TPRN: variants seen among roughly 807,000 people sequenced by gnomAD.
TPRN encodes chromosome 9 open reading frame 75.
TPRN carries 32 observed loss-of-function variants against 42.6 expected under a neutral mutation model. The ratio of observed to expected loss-of-function variants is 0.75; its 90% CI spans 0.57 to 1.01. TPRN has a LOEUF of 1.01. Ranked by LOEUF, TPRN falls within the 50% of genes least tolerant of loss-of-function variation. The pLI is 0.00. For synonymous variants in TPRN, 541 were observed against 445.6 expected (o/e 1.21, Z -2.70); for missense variants, 1,095 against 957.5 (o/e 1.14, Z -1.90).
intron 1 of TPRN, among the ~76,000 whole-genome samples, chr9:137,196,325 G>T (rs1588773923): frequency 6.6e-6 from 1 of 152,176 alleles, no homozygotes; most frequent in African/African-American, 2.4e-5. Flanking sequence ...GGTGGCTCAC[G>T]CCTGTAATCC....
At position 137,200,185 on chromosome 9, in the gene TPRN, G is replaced by T; in HGVS notation, c.527C>A (p.Pro176Gln). Residue 176 changes from proline to glutamine, a missense_variant, in exon 1 of 4, where the codon CCG (proline) becomes CAG (glutamine). Transcript: ENST00000409012. This position sits in a 1 kb window ranked among gnomAD's most constrained non-coding sequence, Gnocchi z 4.3. ...ACCGCGGGGCCCGGGCGCGGCGGGCGGGCTGGGGGCCGCGGGCGGGGGCCG... is the reference window on the plus strand; with the variant it reads ...ACCGCGGGGCCCGGGCGCGGCGGGCTGGCTGGGGGCCGCGGGCGGGGGCCG... ...PPRPPPAAPSPPAAPGPRGGG... is the reference protein window; with the variant it reads ...PPRPPPAAPSQPAAPGPRGGG... The T allele has an allele frequency of 5.0e-6, 5 of 1,008,292 alleles. No individual in the cohort carries two copies. Among genetic ancestry groups the T allele is most frequent in the Non-Finnish European group, 4.7e-6 (4 of 845,790 alleles). 62.5% of individuals were successfully genotyped at this position (1,008,292 alleles called of 1,614,324 possible).
chr9:137,200,153 C>G lies in TPRN; in HGVS notation c.559G>C (p.Ala187Pro). The change falls in exon 1 of 4, where the codon GCG (alanine) becomes CCG (proline). Residue 187 changes from alanine to proline, a missense_variant. Coordinates refer to ENST00000409012, the MANE Select transcript of TPRN (RefSeq NM_001128228.3). This position sits in a 1 kb window ranked among gnomAD's most constrained non-coding sequence, Gnocchi z 4.3. ...PAAPGPRGGG[A>P]SPGARRSDFL... ...TCGCTGCGCCGGGCCCCGGGGCTCG[C>G]CCCGCCACCGCGGGGCCCGGGCGCG... is the stretch of plus-strand genomic sequence containing the variant. The G allele has an allele frequency of 8.3e-7, 1 of 1,209,692 alleles. No individual in the cohort carries two copies. The allele number at this position is 1,209,692 out of a possible 1,614,324, so 74.9% of individuals were successfully genotyped here. A position where few individuals can be genotyped will look rare whatever the true frequency, so the allele number is the denominator to read the frequency against.
chr9:137,200,085 G>A lies in TPRN; in HGVS notation c.627C>T (p.Pro209=), dbSNP rs1189476911. The A allele has an allele frequency of 7.2e-7, 1 of 1,395,150 alleles. No individual in the cohort carries two copies. Among genetic ancestry groups the A allele is most frequent in the Non-Finnish European group, 9.2e-7 (1 of 1,081,664 alleles). The allele number at this position is 1,395,150 out of a possible 1,614,324, so 86.4% of individuals were successfully genotyped here. The stretch of plus-strand genomic sequence containing the variant: ...CGCCCGCGCCGCGGTGCAGACCCCG[G>A]GGGTGGACGGTGAAGGAGTTGCTGC... ...KTGSNSFTVH[P]RGLHRGAGAR... is the part of the protein sequence containing the mutation. The change falls in exon 1 of 4, where the codon CCC becomes CCT. Residue 209 remains proline (P), a synonymous_variant. Coordinates refer to ENST00000409012, the MANE Select transcript of TPRN (RefSeq NM_001128228.3). The surrounding 1 kb of genome is among the most constrained non-coding windows in gnomAD (Gnocchi z 4.3).
At position 137,192,434 on chromosome 9, in the gene TPRN, C is replaced by G. The variant is rs1420608483; in HGVS notation, c.1966+17G>C. ...TCCACCCCTCCCAGGCTGCCTGTCCCCCAGGTGGGCACTCACCTGAGCTAC... is the reference window on the plus strand; with the variant it reads ...TCCACCCCTCCCAGGCTGCCTGTCCGCCAGGTGGGCACTCACCTGAGCTAC... On this transcript the variant is annotated intron_variant, in intron 2 of 3. Coordinates refer to ENST00000409012, the MANE Select transcript of TPRN (RefSeq NM_001128228.3). 1 of 1,608,530 alleles carries G rather than the reference C, an allele frequency of 6.2e-7. No individual in the cohort carries two copies. Among genetic ancestry groups the G allele is most frequent in the South Asian group, 1.1e-5 (1 of 90,482 alleles).
In TPRN at chr9:137,192,250, G is replaced by C. The variant is rs771401914; in HGVS notation, c.2073+9C>G. Reference sequence around the variant, plus strand: ...ACTCCCCCCAGCGCTCCACTCCCCCGCATCTCACCATGGCCTCCACGGGCG... The same window carrying C: ...ACTCCCCCCAGCGCTCCACTCCCCCCCATCTCACCATGGCCTCCACGGGCG... On this transcript the variant is annotated intron_variant, in intron 3 of 3. Coordinates refer to ENST00000409012, the MANE Select transcript of TPRN (RefSeq NM_001128228.3). The C allele has an allele frequency of 2.5e-6, 4 of 1,613,090 alleles. No individual in the cohort carries two copies. The highest frequency in any genetic ancestry group is 3.4e-6 in the Non-Finnish European group (4 of 1,179,980).
chr9:137,199,555 AG>A lies in TPRN; in HGVS notation c.1156del (p.Leu386TrpfsTer64). 1 of 1,560,894 alleles carries A rather than the reference AG, an allele frequency of 6.4e-7. No individual in the cohort carries two copies. The highest frequency in any genetic ancestry group is 8.7e-7 in the Non-Finnish European group (1 of 1,153,060). On this transcript the variant is annotated frameshift_variant, in exon 1 of 4. Coordinates refer to ENST00000409012, the MANE Select transcript of TPRN (RefSeq NM_001128228.3). LOFTEE classifies it high-confidence loss of function. ...GACTGCCCACTGTGCCTCGACCTCCAGGGGGCTCTTCCCGAGGGCAGGCGCA... is the reference window on the plus strand; with the variant it reads ...GACTGCCCACTGTGCCTCGACCTCCAGGGGCTCTTCCCGAGGGCAGGCGCA... ...DGAPALGKSP[L>X]EVEAQWAVEE...
chr9:137,193,167 C>T (rs1474254255), intron 1 of TPRN: 3 of 183,824 alleles, frequency 1.6e-5, no homozygotes, highest in Non-Finnish European at 3.5e-5. Context: ...GTGTCTGGGG[C>T]CTCTCTCTAA....
At chr9:137,196,937 C>T (rs1254160189) in intron 1 of TPRN, among the ~76,000 whole-genome samples, 5 of 152,198 alleles carry the variant, frequency 3.3e-5, no homozygotes, top group Non-Finnish European at 7.4e-5. Flanking sequence ...ACCCCCACCC[C>T]TTCAGGCTGG....
In TPRN at chr9:137,191,652, A is replaced by T. The variant is rs1386549259; in HGVS notation, c.*460T>A. 1 of 311,118 alleles carries T rather than the reference A, an allele frequency of 3.2e-6. No individual in the cohort carries two copies. Among genetic ancestry groups the T allele is most frequent in the Non-Finnish European group, 6.4e-6 (1 of 156,258 alleles). 19.3% of individuals were successfully genotyped at this position (311,118 alleles called of 1,614,324 possible). ...AGTGCTGTTTATTGAGTCCATCATC[A>T]GAGGCAGGAAAGACGCCACTCATCA... On this transcript the variant is annotated 3_prime_UTR_variant, in exon 4 of 4. Transcript: ENST00000409012.
intron 1 of TPRN, among the ~76,000 whole-genome samples, chr9:137,198,295 T>C (rs1310624682): frequency 1.3e-5 from 2 of 152,238 alleles, no homozygotes; most frequent in African/African-American, 4.8e-5. Flanking sequence ...TTTTTTTTCC[T>C]GTGCCCAGAG....
At position 137,192,459 on chromosome 9, in the gene TPRN, C is replaced by A. The variant is rs752884640; in HGVS notation, c.1958G>T (p.Gly653Val). ...CCCAGGTGGGCACTCACCTGAGCTACCCTCTGGCAGCCGAGAGCTCTCGGG... is the reference window on the plus strand; with the variant it reads ...CCCAGGTGGGCACTCACCTGAGCTAACCTCTGGCAGCCGAGAGCTCTCGGG... ...VRPESSRLPE[G>V]SSGLSSYTPK... The change falls in exon 2 of 4, where the codon GGT (glycine) becomes GTT (valine). Residue 653 changes from glycine (G) to valine (V), a missense_variant. Transcript: ENST00000409012. The A allele has an allele frequency of 6.2e-6, 10 of 1,607,046 alleles. No homozygotes were observed. Among genetic ancestry groups the A allele is most frequent in the Non-Finnish European group, 8.5e-6 (10 of 1,177,236 alleles).
In TPRN at chr9:137,199,664, A is replaced by C. The variant is rs972700678; in HGVS notation, c.1048T>G (p.Ser350Ala). Residue 350 changes from serine (S) to alanine (A), a missense_variant, in exon 1 of 4, where the codon TCC becomes GCC. Physicochemically the swap from Ser to Ala is moderately conservative, Grantham distance 99 (BLOSUM62 1). Transcript: ENST00000409012. ...AGGTCTCCCTTTGGCAGCTCCACGG[A>C]CTGCCTCCCCTCAGGAGGAGGAGCC... ...SGAPPPEGRQ[S>A]VELPKGDLGP... 5 of 1,591,704 alleles carry C rather than the reference A, an allele frequency of 3.1e-6. No homozygotes were observed. The African/African-American group carries it at 6.7e-5, about 21-fold the overall frequency.
At chr9:137,197,736 G>A (rs1280360159) in intron 1 of TPRN, among the ~76,000 whole-genome samples, 2 of 152,280 alleles carry the variant, frequency 1.3e-5, no homozygotes, top group East Asian at 3.9e-4. Context: ...GTGGCTATCA[G>A]ACTGACCCCA....
rs758323082 is a variant in TPRN at position 137,192,138 on chromosome 9, G to A, written c.2110C>T (p.Arg704Cys). The change falls in exon 4 of 4, where the codon CGC becomes TGC. Residue 704 changes from arginine to cysteine, a missense_variant. Physicochemically the swap from Arg to Cys is radical, Grantham distance 180. Coordinates refer to ENST00000409012, the MANE Select transcript of TPRN (RefSeq NM_001128228.3). ...PASQNDLSDF[R>C]SEPALYF ...CAGAAATACAGGGCTGGCTCGCTGC[G>A]GAAGTCCGAGAGGTCATTCTGACTG... 40 of 1,613,492 alleles carry A rather than the reference G, an allele frequency of 2.5e-5. No homozygotes were observed. The highest frequency in any genetic ancestry group is 2.8e-5 in the Non-Finnish European group (33 of 1,180,024).
Position 137,199,802 on chromosome 9 carries a change from T to C in TPRN, c.910A>G (p.Lys304Glu). The C allele has an allele frequency of 6.3e-7, 1 of 1,599,006 alleles. No homozygotes were observed. Among genetic ancestry groups the C allele is most frequent in the Non-Finnish European group, 8.5e-7 (1 of 1,173,872 alleles). Reference sequence around the variant, plus strand: ...AAGGGGATGGTCTCCATAACTGGCTTGGGGGCCGGCCGTATCTCGAAGGAG... The same window carrying C: ...AAGGGGATGGTCTCCATAACTGGCTCGGGGGCCGGCCGTATCTCGAAGGAG... Reference protein sequence around the residue: ...NDSFEIRPAPKPVMETIPLGD... With the variant: ...NDSFEIRPAPEPVMETIPLGD... Residue 304 changes from lysine to glutamate, a missense_variant, in exon 1 of 4, where the codon AAG becomes GAG. Coordinates refer to ENST00000409012, the MANE Select transcript of TPRN (RefSeq NM_001128228.3).
chr9:137,200,467 CG>C lies in TPRN; in HGVS notation c.244del (p.Arg82GlyfsTer368). On this transcript the variant is annotated frameshift_variant, in exon 1 of 4. Transcript: ENST00000409012. LOFTEE classifies it high-confidence loss of function. This position sits in a 1 kb window ranked among gnomAD's most constrained non-coding sequence, Gnocchi z 4.3. ...GCGCACGCCAGGCACGCGGCGGTAC[CG>C]CTCCAGCAGCCGCGCCCCCGCCGCG... ...GGAAGARLLERYRRVPGVRAL... is the reference protein window; with the variant it reads ...GGAAGARLLEXYRRVPGVRAL... 8.9e-7 allele frequency: 1 copy of C among 1,122,474 alleles called. No homozygotes were observed. Among genetic ancestry groups the C allele is most frequent in the South Asian group, 2.9e-5 (1 of 35,022 alleles). The allele number at this position is 1,122,474 out of a possible 1,614,324, so 69.5% of individuals were successfully genotyped here. A position where few individuals can be genotyped will look rare whatever the true frequency, so the allele number is the denominator to read the frequency against.
chr9:137,195,913 GC>G (rs1488385564), intron 1 of TPRN, among the ~76,000 whole-genome samples: 1 of 152,178 alleles, frequency 6.6e-6, no homozygotes, highest in Non-Finnish European at 1.5e-5. Flanking sequence ...TCCAAGCTCA[GC>G]CCTGCAAGAC....
chr9:137,199,829 CGTT>C lies in TPRN; in HGVS notation c.880_882del (p.Asn294del). ...GGGGCCGGCCGTATCTCGAAGGAGTCGTTGGTGCTGGTGGCTGCGGAGACGCAC... is the reference window on the plus strand; with the variant it reads ...GGGGCCGGCCGTATCTCGAAGGAGTCGGTGCTGGTGGCTGCGGAGACGCAC... On this transcript the variant is annotated inframe_deletion, in exon 1 of 4. Coordinates refer to ENST00000409012, the MANE Select transcript of TPRN (RefSeq NM_001128228.3). 1 of 1,569,194 alleles carries C rather than the reference CGTT, an allele frequency of 6.4e-7. No individual in the cohort carries two copies. The highest frequency in any genetic ancestry group is 8.6e-7 in the Non-Finnish European group (1 of 1,156,198).
chr9:137,191,697 G>A lies in TPRN; in HGVS notation c.*415C>T, dbSNP rs552754747. ...TCATCACAGAGGGCATGTGGGCTGC[G>A]GGCAGGGGCTTAGGGTCCTGCAGAG... is the stretch of plus-strand genomic sequence containing the variant. On this transcript the variant is annotated 3_prime_UTR_variant, in exon 4 of 4. Coordinates refer to ENST00000409012, the MANE Select transcript of TPRN (RefSeq NM_001128228.3). 25 of 343,546 alleles carry A rather than the reference G, an allele frequency of 7.3e-5. No individual in the cohort carries two copies. The highest frequency in any genetic ancestry group is 4.9e-4 in the South Asian group (20 of 40,880). The allele number at this position is 343,546 out of a possible 1,614,324, so 21.3% of individuals were successfully genotyped here.
Sources: allele counts gnomAD v4.1 joint callset (sites outside exome capture counted in the v4.1 genomes callset), GRCh38; gene constraint gnomAD v4.1.1; non-coding constraint Gnocchi (gnomAD v3.1); transcripts MANE v1.5; gene names NCBI Gene and HGNC (gene_info 2026-07-23, HGNC 2026-07-21).